The following NPL variants were observed in gnomAD, a reference collection of about 807,000 sequenced individuals.
The protein encoded by NPL is N-acetylneuraminate lyase.
A neutral mutation model predicts 41.1 loss-of-function variants in NPL; 32 were observed. The ratio of observed to expected loss-of-function variants is 0.78; its 90% CI spans 0.59 to 1.05. NPL has a LOEUF of 1.05. NPL is among the 50% of genes least tolerant of loss of function. NPL has a pLI of 0.00. For synonymous variants in NPL, 128 were observed against 134.9 expected (o/e 0.95, Z 0.35); for missense variants, 321 against 378.4 (o/e 0.85, Z 1.26).
intron 5 of NPL, among the ~76,000 whole-genome samples, chr1:182,806,902 G>A (rs1015192263): frequency 4.6e-5 from 7 of 152,088 alleles, no homozygotes; most frequent in African/African-American, 1.4e-4. Flanking sequence ...AGTGCAGCGC[G>A]ATCTCAGCTC....
intron 2 of NPL, among the ~76,000 whole-genome samples, chr1:182,793,023 A>G (rs1031464603): frequency 1.2e-4 from 19 of 152,256 alleles, no homozygotes; most frequent in Non-Finnish European, 2.2e-4. Flanking sequence ...GAACTATAGC[A>G]TAACCCTTCT....
At chr1:182,815,404 AG>A (rs1355769744) in intron 7 of NPL, among the ~76,000 whole-genome samples, 1 of 152,218 alleles carries the variant, frequency 6.6e-6, no homozygotes, top group African/African-American at 2.4e-5. Flanking sequence ...TAGCAAAAAA[AG>A]AAGTATAAAT....
Position 182,829,638 on chromosome 1 carries a change from ACT to A in NPL, c.*733_*734del. 2 of 1,550,360 alleles carry A rather than the reference ACT, an allele frequency of 1.3e-6. No homozygotes were observed. The highest frequency in any genetic ancestry group is 1.2e-5 in the South Asian group (1 of 84,014). On this transcript the variant is annotated 3_prime_UTR_variant, in exon 13 of 13. Transcript: ENST00000367553. ...ACTCAAAGTTTCAAAGAACCAAAGGACTCTTCCTCTGGGCACCACAAACTTCC... is the reference window on the plus strand; with the variant it reads ...ACTCAAAGTTTCAAAGAACCAAAGGACTTCCTCTGGGCACCACAAACTTCC...
chr1:182,798,915 A>C (rs750444208), intron 3 of NPL, among the ~76,000 whole-genome samples: 2 of 152,228 alleles, frequency 1.3e-5, no homozygotes, highest in Non-Finnish European at 2.9e-5. Context: ...GAGTGCATAT[A>C]ACTGCTATCT....
intron 3 of NPL, among the ~76,000 whole-genome samples, chr1:182,802,772 A>G (rs866463981): frequency 6.3e-4 from 96 of 152,354 alleles, no homozygotes; most frequent in African/African-American, 2.2e-3. Context: ...TGAAATCAAT[A>G]TGATTTTAAG....
chr1:182,797,363 G>T (rs7554927), intron 3 of NPL, among the ~76,000 whole-genome samples: 40,922 of 151,706 alleles, frequency 0.27, 8,156 homozygotes, highest in African/African-American at 0.57. Context: ...AAATGCACAA[G>T]CTCGGGCTGT....
intron 7 of NPL, among the ~76,000 whole-genome samples, chr1:182,816,046 A>G (rs1667321385): frequency 6.6e-6 from 1 of 152,276 alleles, no homozygotes; most frequent in Non-Finnish European, 1.5e-5. Context: ...TATTAAGTAC[A>G]TAAAATTCTC....
chr1:182,808,385 C>T (rs1019145782), intron 5 of NPL, among the ~76,000 whole-genome samples: 1 of 152,140 alleles, frequency 6.6e-6, no homozygotes, highest in African/African-American at 2.4e-5. Flanking sequence ...CACTGATGAC[C>T]TCTGAAAGAG....
At chr1:182,813,773 A>G (rs1013349041) in intron 6 of NPL, among the ~76,000 whole-genome samples, 1 of 152,204 alleles carries the variant, frequency 6.6e-6, no homozygotes. Context: ...TGATGCTTGA[A>G]TGGACACTGC....
At chr1:182,799,131 G>A (rs1666760877) in intron 3 of NPL, among the ~76,000 whole-genome samples, 1 of 152,164 alleles carries the variant, frequency 6.6e-6, no homozygotes, top group Non-Finnish European at 1.5e-5. Context: ...AAGCCACTTA[G>A]GAAAAATTCT....
Position 182,828,937 on chromosome 1 carries a change from C to T in NPL, c.*29C>T, listed in dbSNP as rs749545921. 6.8e-6 allele frequency: 11 copies of T among 1,613,532 alleles called. No individual in the cohort carries two copies. In the South Asian group the frequency reaches 9.9e-5, roughly 14 times the overall value. On this transcript the variant is annotated 3_prime_UTR_variant, in exon 13 of 13. Coordinates refer to ENST00000367553, the MANE Select transcript of NPL (RefSeq NM_030769.3). This position sits in a 1 kb window ranked among gnomAD's most constrained non-coding sequence, Gnocchi z 4.0. ...CTCTCTATCAAATCAGGGTTTGCAC[C>T]TTGAGACATAATCTACCTTAAATAG... is the stretch of plus-strand genomic sequence containing the variant.
intron 3 of NPL, among the ~76,000 whole-genome samples, chr1:182,796,802 C>T (rs972227509): frequency 1.3e-5 from 2 of 151,992 alleles, no homozygotes; most frequent in Admixed American, 6.6e-5. Flanking sequence ...TTTGGGAGGC[C>T]GAGGTGGGCG....
intron 3 of NPL, among the ~76,000 whole-genome samples, chr1:182,800,159 G>T (rs892243221): frequency 6.6e-6 from 1 of 152,092 alleles, no homozygotes; most frequent in African/African-American, 2.4e-5. Flanking sequence ...GGACAGGCTG[G>T]GCATGATGGC....
intron 7 of NPL, among the ~76,000 whole-genome samples, chr1:182,815,327 T>A (rs1375531077): frequency 6.6e-6 from 1 of 152,246 alleles, no homozygotes. Context: ...TCTCTTTCTC[T>A]ACTGTCTTCT....
intron 3 of NPL, among the ~76,000 whole-genome samples, chr1:182,797,320 A>T (rs894553201): frequency 1.3e-5 from 2 of 152,056 alleles, no homozygotes; most frequent in Admixed American, 1.3e-4. Context: ...TGGCCCATGG[A>T]CCAGTTGCTC....
chr1:182,794,422 G>T lies in NPL; in HGVS notation c.51G>T (p.Thr17=), dbSNP rs113072670. The T allele has an allele frequency of 1.7e-5, 28 of 1,614,010 alleles. No individual in the cohort carries two copies. The African/African-American group carries it at 2.8e-4, about 16-fold the overall frequency. The change falls in exon 3 of 13, where the codon ACG becomes ACT. Residue 17 remains threonine, a synonymous_variant. Transcript: ENST00000367553. ...KLQGLVAATI[T]PMTENGEINF... ...AGGGTCTTGTGGCTGCAACCATCAC[G>T]CCAATGACTGAGAATGGGTAACTAT...
intron 3 of NPL, among the ~76,000 whole-genome samples, chr1:182,802,763 GA>G (rs1666886789): frequency 6.6e-6 from 1 of 152,182 alleles, no homozygotes; most frequent in South Asian, 2.1e-4. Flanking sequence ...TTTAGATTTT[GA>G]AATCAATATG....
Position 182,814,871 on chromosome 1 carries a change from G to A in NPL, c.364+13G>A. On this transcript the variant is annotated intron_variant, in intron 7 of 12. Coordinates refer to ENST00000367553, the MANE Select transcript of NPL (RefSeq NM_030769.3). ...CCATGGACCAAAGGTAAGTAGATAG[G>A]TCTGAATGCATGGCATCTCACATGG... 1 of 1,606,654 alleles carries A rather than the reference G, an allele frequency of 6.2e-7. No homozygotes were observed. Among genetic ancestry groups the A allele is most frequent in the Non-Finnish European group, 8.5e-7 (1 of 1,173,292 alleles).
In NPL at chr1:182,818,415, T is replaced by A. The variant is rs899949613; in HGVS notation, c.458-126T>A. ...GCTGCTAGTCAGGGACCAGTGATTA[T>A]GCCTAGTCTGCAGTCAGTTCTGGCT... On this transcript the variant is annotated intron_variant, in intron 8 of 12. Coordinates refer to ENST00000367553, the MANE Select transcript of NPL (RefSeq NM_030769.3). The A allele has an allele frequency of 3.4e-6, 4 of 1,174,112 alleles. No homozygotes were observed. In the Admixed American group the frequency reaches 6.8e-5, roughly 20 times the overall value. 72.7% of individuals were successfully genotyped at this position (1,174,112 alleles called of 1,614,324 possible). A position where few individuals can be genotyped will look rare whatever the true frequency, so the allele number is the denominator to read the frequency against.
Sources: allele counts gnomAD v4.1 joint callset (sites outside exome capture counted in the v4.1 genomes callset), GRCh38; gene constraint gnomAD v4.1.1; non-coding constraint Gnocchi (gnomAD v3.1); transcripts MANE v1.5; gene names NCBI Gene and HGNC (gene_info 2026-07-23, HGNC 2026-07-21).